The following TNNI3K variants were observed in gnomAD, a reference collection of about 807,000 sequenced individuals.
TNNI3K encodes the protein serine/threonine-protein kinase TNNI3K.
Under a neutral mutation model 114.5 loss-of-function variants are expected in TNNI3K, and 140 were observed. The observed-to-expected ratio is 1.22, with a 90% CI of 1.07 to 1.41. The LOEUF (loss-of-function observed/expected upper bound fraction) is 1.41, where lower values mean the gene tolerates loss of function less well. TNNI3K is among the 40% of genes most tolerant of loss of function. The pLI is 0.00. For missense variants in TNNI3K, 1,125 were observed against 1,007.6 expected (o/e 1.12, Z -1.58); for synonymous variants, 347 against 347.5 (o/e 1.00, Z 0.02).
chr1:74,471,931 C>G (rs1168268327), intron 21 of TNNI3K: 1 of 502,874 alleles, frequency 2.0e-6, no homozygotes, highest in Non-Finnish European at 3.5e-6. Context: ...CTGAAAATAC[C>G]TAGGTTTGCT....
At chr1:74,543,305 C>T (rs1646750081) in intron 24 of TNNI3K, among the ~76,000 whole-genome samples, 1 of 151,998 alleles carries the variant, frequency 6.6e-6, no homozygotes, top group Admixed American at 6.6e-5. Flanking sequence ...ATCTCCCGAC[C>T]TCATGATTCG....
At chr1:74,243,299 A>G (rs1328663680) in intron 2 of TNNI3K, among the ~76,000 whole-genome samples, 1 of 152,190 alleles carries the variant, frequency 6.6e-6, no homozygotes, top group Non-Finnish European at 1.5e-5. Context: ...TATATATTAG[A>G]AACAGATCTT....
At chr1:74,419,907 A>T (rs274582) in intron 17 of TNNI3K, among the ~76,000 whole-genome samples, 137,207 of 152,148 alleles carry the variant, frequency 0.9, 61,873 homozygotes, top group East Asian at 0.97. Context: ...AAGATACATA[A>T]ATATTGTATT....
chr1:74,533,472 A>C (rs1427365604), intron 23 of TNNI3K, among the ~76,000 whole-genome samples: 2 of 152,144 alleles, frequency 1.3e-5, no homozygotes, highest in Non-Finnish European at 2.9e-5. Context: ...TGGGACTGTA[A>C]ACTAGTTCAA....
At chr1:74,374,447 A>G (rs1349574145) in intron 17 of TNNI3K, 1 of 151,958 alleles carries the variant, frequency 6.6e-6, no homozygotes, top group Non-Finnish European at 1.5e-5. Flanking sequence ...AGTATTCTGT[A>G]TCTTCTACTG....
At chr1:74,243,229 A>T (rs921020251) in intron 2 of TNNI3K, among the ~76,000 whole-genome samples, 1 of 152,206 alleles carries the variant, frequency 6.6e-6, no homozygotes, top group Non-Finnish European at 1.5e-5. Context: ...TCACAGTATT[A>T]GTTTGCAGAT....
intron 21 of TNNI3K, among the ~76,000 whole-genome samples, chr1:74,484,907 G>A (rs1275187091): frequency 2.0e-5 from 3 of 152,164 alleles, no homozygotes; most frequent in Non-Finnish European, 4.4e-5. Context: ...AAGAACATAA[G>A]TAGCAAAAAT....
intron 5 of TNNI3K, among the ~76,000 whole-genome samples, chr1:74,300,241 A>G (rs1228233613): frequency 1.3e-5 from 2 of 152,200 alleles, no homozygotes; most frequent in African/African-American, 2.4e-5. Flanking sequence ...GATCAAGTTT[A>G]TGGACCACAC....
chr1:74,272,137 C>A (rs1424294472), intron 5 of TNNI3K, among the ~76,000 whole-genome samples: 1 of 151,916 alleles, frequency 6.6e-6, no homozygotes, highest in South Asian at 2.1e-4. Context: ...AAAAATCATT[C>A]ACTCATTCAT....
At chr1:74,367,515 C>T (rs1329512209) in intron 12 of TNNI3K, among the ~76,000 whole-genome samples, 173 bp downstream of exon 12, 1 of 151,826 alleles carries the variant, frequency 6.6e-6, no homozygotes, top group Non-Finnish European at 1.5e-5. Flanking sequence ...CATAAAGAAG[C>T]CTCCATTTCA....
intron 5 of TNNI3K, among the ~76,000 whole-genome samples, chr1:74,300,516 T>G (rs550230368): frequency 3.9e-5 from 6 of 152,310 alleles, no homozygotes; most frequent in African/African-American, 1.4e-4. Flanking sequence ...AATGATTTAC[T>G]AGAGGACAAA....
At chr1:74,471,698 C>T in intron 21 of TNNI3K, 1 of 401,840 alleles carries the variant, frequency 2.5e-6, no homozygotes. Context: ...AAATCAGGAT[C>T]ATGGAAGATA....
chr1:74,252,129 G>A (rs1654965975), intron 4 of TNNI3K, among the ~76,000 whole-genome samples: 1 of 152,120 alleles, frequency 6.6e-6, no homozygotes, highest in African/African-American at 2.4e-5. Context: ...TTCTGTATTA[G>A]TTCATTTTGC....
intron 20 of TNNI3K, among the ~76,000 whole-genome samples, chr1:74,445,652 C>A (rs1470770852): frequency 1.2e-4 from 18 of 146,908 alleles, no homozygotes; most frequent in Admixed American, 4.7e-4. Context: ...GCTCTGTCGC[C>A]CAGGCTGGAG....
At chr1:74,281,518 A>G (rs745330046) in intron 5 of TNNI3K, among the ~76,000 whole-genome samples, 1 of 152,160 alleles carries the variant, frequency 6.6e-6, no homozygotes, top group South Asian at 2.1e-4. Context: ...ACATTAATGT[A>G]CAATTTAACT....
chr1:74,421,903 C>T (rs1361526175), intron 17 of TNNI3K, among the ~76,000 whole-genome samples: 4 of 151,608 alleles, frequency 2.6e-5, no homozygotes, highest in African/African-American at 9.7e-5. Flanking sequence ...TTTGAAAAAC[C>T]AAGAGTCACA....
At chr1:74,489,278 A>G (rs750341131) in intron 22 of TNNI3K, 30 bp downstream of exon 22, 7 of 1,599,866 alleles carry the variant, frequency 4.4e-6, no homozygotes, top group South Asian at 3.4e-5. Context: ...AAATATGTCC[A>G]TAAAAAAGCC....
intron 5 of TNNI3K, among the ~76,000 whole-genome samples, chr1:74,311,128 G>A (rs1387026254): frequency 2.0e-5 from 3 of 152,114 alleles, no homozygotes; most frequent in African/African-American, 7.2e-5. Context: ...ACCTCCGGCT[G>A]CAAGGATCAT....
chr1:74,532,452 T>G (rs1472229533), intron 23 of TNNI3K, among the ~76,000 whole-genome samples: 1 of 106,406 alleles, frequency 9.4e-6, no homozygotes, highest in Non-Finnish European at 1.8e-5. Context: ...CGTGCTATTA[T>G]TATTTTTTTC....
Sources: gnomAD v4.1 joint callset for allele counts (sites outside exome capture counted in the v4.1 genomes callset) on GRCh38, gnomAD v4.1.1 for gene constraint, MANE v1.5 for transcripts, NCBI Gene and HGNC (gene_info 2026-07-23, HGNC 2026-07-21) for gene names.